ZFHX3: variants seen among roughly 807,000 people sequenced by gnomAD.
ZFHX3 encodes the protein zinc finger homeobox protein 3.
A neutral mutation model predicts 279.1 loss-of-function variants in ZFHX3; 42 were observed. The observed-to-expected ratio is 0.15, with a 90% CI of 0.12 to 0.19. ZFHX3 has a LOEUF of 0.19. Ranked by LOEUF, ZFHX3 falls within the 10% of genes least tolerant of loss-of-function variation. The pLI is 1.00. For synonymous variants in ZFHX3, 2,293 were observed against 1,957.8 expected, an observed-to-expected ratio of 1.17 and a Z score of -4.52; for missense variants, 4,981 against 4,754.0, an observed-to-expected ratio of 1.05 and a Z score of -1.40.
At chr16:73,121,130 A>G (rs1332148639) in intron 7 of ZFHX3, among the ~76,000 whole-genome samples, 2 of 152,238 alleles carry the variant, frequency 1.3e-5, no homozygotes, top group Non-Finnish European at 2.9e-5. Context: ...CAAATTTTAA[A>G]TCAAAGCAAT....
intron 1 of ZFHX3, among the ~76,000 whole-genome samples, chr16:73,057,704 C>G (rs1276190067): frequency 1.3e-5 from 2 of 151,652 alleles, no homozygotes; most frequent in African/African-American, 4.8e-5. Flanking sequence ...GGCAGAGTCC[C>G]CTCTGGGCGC....
chr16:73,195,421 T>C (rs945808649), intron 5 of ZFHX3, among the ~76,000 whole-genome samples: 1 of 145,970 alleles, frequency 6.9e-6, no homozygotes, highest in Non-Finnish European at 1.5e-5. Context: ...CTATTTTTTT[T>C]TTTTTTTTTT....
At chr16:73,704,224 T>C (rs1346243817) in intron 1 of ZFHX3, among the ~76,000 whole-genome samples, 3 of 152,058 alleles carry the variant, frequency 2.0e-5, no homozygotes, top group Non-Finnish European at 4.4e-5. Context: ...ATTAAATAAA[T>C]ACATAAACAT....
intron 1 of ZFHX3, among the ~76,000 whole-genome samples, chr16:73,037,042 A>G (rs999175439): frequency 5.9e-5 from 9 of 151,982 alleles, no homozygotes; most frequent in Admixed American, 3.9e-4. Context: ...AAAGACCCTC[A>G]CCCCACCCTC....
At chr16:73,538,133 CGCAGCACCTCATCACG>C (rs1184921647) in intron 2 of ZFHX3, among the ~76,000 whole-genome samples, 1 of 152,144 alleles carries the variant, frequency 6.6e-6, no homozygotes, top group East Asian at 1.9e-4. Context: ...CAAGTCATCA[CGCAGCACCTCATCACG>C]GCAGCACATG....
Position 73,541,883 on chromosome 16 carries a change from C to A in ZFHX3, c.-1546-85625G>T, listed in dbSNP as rs1400399222. On this transcript the variant is annotated intron_variant, in intron 2 of 17. Coordinates refer to the ZFHX3 transcript ENST00000641206. ...AGTGGCACATCTAGGTTCACCGCAACCTCTGCCTCCTGGGTTAAAGCAATT... is the reference window on the plus strand; with the variant it reads ...AGTGGCACATCTAGGTTCACCGCAAACTCTGCCTCCTGGGTTAAAGCAATT... Among the ~76,000 whole-genome samples, 4 of 147,966 alleles carry A rather than the reference C, an allele frequency of 2.7e-5. No homozygotes were observed. In the Admixed American group the frequency reaches 2.8e-4, roughly 10 times the overall value.
intron 3 of ZFHX3, among the ~76,000 whole-genome samples, chr16:72,925,938 A>G (rs1376101426): frequency 2.6e-5 from 4 of 152,188 alleles, no homozygotes; most frequent in Non-Finnish European, 5.9e-5. Context: ...AAAGGGCCCT[A>G]TATTTGTGCA....
chr16:73,765,391 A>G (rs931446704), intron 1 of ZFHX3, among the ~76,000 whole-genome samples: 3 of 152,238 alleles, frequency 2.0e-5, no homozygotes, highest in African/African-American at 7.2e-5. Context: ...TTTGTGAAGC[A>G]TGCAGTAAAT....
At chr16:73,119,914 CA>C (rs1966476515) in intron 7 of ZFHX3, among the ~76,000 whole-genome samples, 2 of 151,994 alleles carry the variant, frequency 1.3e-5, no homozygotes, top group South Asian at 4.1e-4. Flanking sequence ...TTACAACAAA[CA>C]AAAAAACCTT....
chr16:73,842,314 T>C (rs2142371082), intron 1 of ZFHX3, among the ~76,000 whole-genome samples: 1 of 152,032 alleles, frequency 6.6e-6, no homozygotes, highest in South Asian at 2.1e-4. Context: ...GGGGAAATGG[T>C]GGCTGAGAAA....
At chr16:73,740,338 G>A (rs1463961304) in intron 1 of ZFHX3, among the ~76,000 whole-genome samples, 2 of 152,046 alleles carry the variant, frequency 1.3e-5, no homozygotes, top group African/African-American at 2.4e-5. Flanking sequence ...AGGCAGGCTG[G>A]GGAAGGCTGG....
intron 7 of ZFHX3, among the ~76,000 whole-genome samples, chr16:73,116,106 G>A (rs1391856769): frequency 2.0e-5 from 3 of 147,462 alleles, no homozygotes; most frequent in Non-Finnish European, 3.0e-5. Context: ...GGCAACAAGA[G>A]CGAAACTCTG....
intron 7 of ZFHX3, among the ~76,000 whole-genome samples, chr16:73,122,917 GAAGAA>G (rs996385533): frequency 3.3e-5 from 5 of 152,152 alleles, no homozygotes; most frequent in Middle Eastern, 3.4e-3. Context: ...AGAGGCAACT[GAAGAA>G]AAGAAAAGAT....
In ZFHX3 at chr16:73,047,778, C is replaced by T. The variant is rs1965352634; in HGVS notation, c.-76G>A. 6.6e-6 allele frequency: 1 copy of T among 152,330 alleles called. No homozygotes were observed. The highest frequency in any genetic ancestry group is 2.4e-5 in the African/African-American group (1 of 41,442). 9.4% of individuals were successfully genotyped at this position (152,330 alleles called of 1,614,324 possible). On this transcript the variant is annotated 5_prime_UTR_variant, in exon 1 of 10. Coordinates refer to ENST00000268489, the MANE Select transcript of ZFHX3 (RefSeq NM_006885.4). ...TGGCACACCAAGCCTCCGCGCACCT[C>T]CGGAGGGAGGCGGCACTTGCAGGTC...
chr16:73,311,632 C>A (rs2015330035), intron 4 of ZFHX3, among the ~76,000 whole-genome samples: 1 of 143,350 alleles, frequency 7.0e-6, no homozygotes, highest in Admixed American at 7.0e-5. Context: ...AAAAGGCCAA[C>A]AATGGTTATC....
intron 1 of ZFHX3, among the ~76,000 whole-genome samples, chr16:72,999,230 A>G (rs541145858): frequency 6.6e-6 from 1 of 152,098 alleles, no homozygotes; most frequent in African/African-American, 2.4e-5. Flanking sequence ...CCTCACTGCA[A>G]CCTCCGCCTC....
chr16:73,038,221 C>G (rs1964982275), intron 1 of ZFHX3, among the ~76,000 whole-genome samples: 2 of 151,910 alleles, frequency 1.3e-5, no homozygotes, highest in South Asian at 4.1e-4. Flanking sequence ...GGGATATTGA[C>G]TCCCCCACCC....
chr16:73,664,961 T>C (rs1353400642), intron 2 of ZFHX3, among the ~76,000 whole-genome samples: 2 of 152,204 alleles, frequency 1.3e-5, no homozygotes, highest in African/African-American at 4.8e-5. Flanking sequence ...AGCAGCACAG[T>C]CATGGTCCAT....
chr16:72,811,426 G>C, intron 7 of ZFHX3, 151 bp downstream of exon 7: 1 of 882,992 alleles, frequency 1.1e-6, no homozygotes, highest in Non-Finnish European at 1.7e-6. Flanking sequence ...GGCAGGGATA[G>C]TACAACAAAG....
Sources: allele counts gnomAD v4.1 joint callset (sites outside exome capture counted in the v4.1 genomes callset), GRCh38; gene constraint gnomAD v4.1.1; transcripts MANE v1.5; gene names NCBI Gene and HGNC (gene_info 2026-07-23, HGNC 2026-07-21).